Variants in DTWD2 observed in about 807,000 individuals in gnomAD.
DTWD2 encodes DTW motif tRNA-uridine aminocarboxypropyltransferase 2, also known as tRNA-uridine aminocarboxypropyltransferase 2.
DTWD2 carries 39 observed loss-of-function variants against 31.8 expected under a neutral mutation model. That is an observed-to-expected ratio of 1.22 (90% CI 0.95 to 1.60). The LOEUF (loss-of-function observed/expected upper bound fraction) is 1.60, where lower values mean the gene tolerates loss of function less well. DTWD2 is among the 40% of genes most tolerant of loss of function. The pLI is 0.00. For missense variants in DTWD2, 515 were observed against 381.5 expected, an observed-to-expected ratio of 1.35 and a Z score of -2.92; for synonymous variants, 180 against 142.8, an observed-to-expected ratio of 1.26 and a Z score of -1.86.
intron 4 of DTWD2, among the ~76,000 whole-genome samples, chr5:118,925,005 A>G (rs543783719): frequency 7.9e-5 from 12 of 152,336 alleles, no homozygotes; most frequent in African/African-American, 2.9e-4. Context: ...GCTATTTTTT[A>G]GAATTGTGTT....
chr5:118,967,404 T>C (rs1021571300), intron 1 of DTWD2, among the ~76,000 whole-genome samples: 2 of 152,202 alleles, frequency 1.3e-5, no homozygotes, highest in Admixed American at 1.3e-4. Flanking sequence ...ACCCGGATCT[T>C]GGTTTTGAAT....
intron 1 of DTWD2, among the ~76,000 whole-genome samples, chr5:118,954,342 C>A (rs1754537723): frequency 6.6e-6 from 1 of 152,104 alleles, no homozygotes; most frequent in South Asian, 2.1e-4. Context: ...CTTATTCTGA[C>A]TGATTTTTCT....
At chr5:118,969,952 TTGATAA>T (rs1307615197) in intron 1 of DTWD2, among the ~76,000 whole-genome samples, 3 of 151,698 alleles carry the variant, frequency 2.0e-5, no homozygotes, top group Non-Finnish European at 4.4e-5. Flanking sequence ...AATACAGGAG[TTGATAA>T]TGAGAACAGC....
At chr5:118,984,374 T>C (rs1162633414) in intron 1 of DTWD2, among the ~76,000 whole-genome samples, 1 of 150,486 alleles carries the variant, frequency 6.6e-6, no homozygotes, top group East Asian at 1.9e-4. Context: ...AGCAGGAGAA[T>C]GGTTTGAACC....
chr5:118,882,178 G>A (rs187226927), intron 4 of DTWD2, among the ~76,000 whole-genome samples: 58 of 152,274 alleles, frequency 3.8e-4, no homozygotes, highest in African/African-American at 1.1e-3. Flanking sequence ...ACCACAGGCC[G>A]CATGCAAGTC....
intron 1 of DTWD2, among the ~76,000 whole-genome samples, chr5:118,948,543 G>A (rs1754390282): frequency 6.6e-6 from 1 of 152,066 alleles, no homozygotes; most frequent in South Asian, 2.1e-4. Context: ...TGAAATATGG[G>A]GAAATGGAGT....
intron 4 of DTWD2, among the ~76,000 whole-genome samples, chr5:118,880,680 T>C (rs553574300): frequency 6.6e-6 from 1 of 151,784 alleles, no homozygotes; most frequent in South Asian, 2.1e-4. Flanking sequence ...TCAAACTAGT[T>C]ATTTATTTTT....
intron 4 of DTWD2, among the ~76,000 whole-genome samples, chr5:118,861,379 T>C (rs1428295806): frequency 6.6e-6 from 1 of 152,200 alleles, no homozygotes; most frequent in Admixed American, 6.5e-5. Flanking sequence ...TCAACAGTGC[T>C]GAAAGCAGGT....
intron 4 of DTWD2, among the ~76,000 whole-genome samples, chr5:118,865,752 A>C (rs536820724): frequency 3.3e-5 from 5 of 152,342 alleles, no homozygotes; most frequent in African/African-American, 1.2e-4. Flanking sequence ...TCATTGATTC[A>C]CAATAAACAC....
At chr5:118,985,090 G>A (rs1755394451) in intron 1 of DTWD2, among the ~76,000 whole-genome samples, 1 of 151,694 alleles carries the variant, frequency 6.6e-6, no homozygotes, top group Admixed American at 6.6e-5. Flanking sequence ...GCCCTTCCTG[G>A]GGCAACCACC....
At chr5:118,970,983 G>A (rs894468650) in intron 1 of DTWD2, among the ~76,000 whole-genome samples, 6 of 152,278 alleles carry the variant, frequency 3.9e-5, no homozygotes, top group Admixed American at 6.5e-5. Flanking sequence ...GCTCCTGAAG[G>A]AAGCACTAAA....
rs1225026752 is a variant in DTWD2, at chr5:118,839,447, T to G, written c.*1470A>C. On this transcript the variant is annotated 3_prime_UTR_variant, in exon 6 of 6. Transcript: ENST00000510708. The stretch of plus-strand genomic sequence containing the variant: ...ATAGCTCCTTGCAACCTTGATGTCC[T>G]GGGCTCCAGCGATCCTCCCACCTTA... The G allele has an allele frequency of 6.6e-6, 1 of 152,128 alleles. No individual in the cohort carries two copies. The highest frequency in any genetic ancestry group is 2.4e-5 in the African/African-American group (1 of 41,432). The allele number at this position is 152,128 out of a possible 1,614,324, so 9.4% of individuals were successfully genotyped here.
intron 4 of DTWD2, among the ~76,000 whole-genome samples, chr5:118,870,472 A>G (rs1192775343): frequency 6.6e-6 from 1 of 152,226 alleles, no homozygotes; most frequent in Non-Finnish European, 1.5e-5. Context: ...AGCAAATACC[A>G]CAAACAAACA....
intron 3 of DTWD2, among the ~76,000 whole-genome samples, chr5:118,935,176 T>C (rs1161454591): frequency 1.3e-5 from 2 of 152,168 alleles, no homozygotes; most frequent in African/African-American, 4.8e-5. Flanking sequence ...TGGAGGGTAG[T>C]GCACCAGGGA....
intron 4 of DTWD2, among the ~76,000 whole-genome samples, chr5:118,859,041 G>C (rs1752200216): frequency 6.6e-6 from 1 of 152,026 alleles, no homozygotes; most frequent in Non-Finnish European, 1.5e-5. Context: ...TCATTAGTTT[G>C]GATCAACACC....
intron 4 of DTWD2, among the ~76,000 whole-genome samples, chr5:118,893,268 C>T (rs148447798): frequency 0.015 from 2,214 of 147,586 alleles, 45 homozygotes; most frequent in African/African-American, 0.052. Context: ...GGCTGAGGCA[C>T]GAGAATCGCT....
intron 4 of DTWD2, among the ~76,000 whole-genome samples, chr5:118,857,332 T>A (rs1435147652): frequency 6.6e-6 from 1 of 152,202 alleles, no homozygotes; most frequent in Admixed American, 6.5e-5. Flanking sequence ...GTATAACTCT[T>A]AATATGTGTT....
chr5:118,930,872 G>C (rs1753907661), intron 3 of DTWD2, among the ~76,000 whole-genome samples: 1 of 152,164 alleles, frequency 6.6e-6, no homozygotes, highest in Non-Finnish European at 1.5e-5. Flanking sequence ...GAGTTGGAGA[G>C]GACGGAGGGC....
intron 5 of DTWD2, among the ~76,000 whole-genome samples, chr5:118,844,022 A>G (rs1751788012): frequency 6.6e-6 from 1 of 152,246 alleles, no homozygotes; most frequent in South Asian, 2.1e-4. Context: ...AGTGGGATGA[A>G]TTATCTAGAT....
Sources: allele counts gnomAD v4.1 joint callset (sites outside exome capture counted in the v4.1 genomes callset), GRCh38; gene constraint gnomAD v4.1.1; transcripts MANE v1.5; gene names NCBI Gene and HGNC (gene_info 2026-07-23, HGNC 2026-07-21).